The following NUBPL variants were observed in gnomAD, a reference collection of about 807,000 sequenced individuals.
The protein encoded by NUBPL is iron-sulfur cluster transfer protein NUBPL.
In NUBPL, 31 loss-of-function variants were observed where a neutral mutation model predicts 45.7. The ratio of observed to expected loss-of-function variants is 0.68; its 90% CI spans 0.51 to 0.92. The LOEUF (loss-of-function observed/expected upper bound fraction) is 0.92. NUBPL is among the 40% of genes least tolerant of loss of function. The pLI is 0.00. For synonymous variants in NUBPL, 144 were observed against 140.9 expected, an observed-to-expected ratio of 1.02 and a Z score of -0.15; for missense variants, 401 against 398.7, an observed-to-expected ratio of 1.01 and a Z score of -0.05.
At chr14:31,660,159 C>T (rs913638318) in intron 4 of NUBPL, among the ~76,000 whole-genome samples, 14 of 152,064 alleles carry the variant, frequency 9.2e-5, no homozygotes, top group Non-Finnish European at 2.1e-4. Context: ...ATTTTATTGC[C>T]TTTTGGTTGT....
intron 4 of NUBPL, among the ~76,000 whole-genome samples, chr14:31,653,203 C>T (rs552960525): frequency 2.6e-5 from 4 of 152,300 alleles, no homozygotes; most frequent in South Asian, 4.1e-4. Context: ...CAGCTGTGCA[C>T]GTATTGTCTT....
intron 4 of NUBPL, among the ~76,000 whole-genome samples, chr14:31,652,405 G>A (rs951498010): frequency 6.6e-6 from 1 of 152,098 alleles, no homozygotes; most frequent in Non-Finnish European, 1.5e-5. Flanking sequence ...AAATACTAAT[G>A]CATTGTGCAC....
chr14:31,818,496 A>G (rs1171492697), intron 7 of NUBPL, among the ~76,000 whole-genome samples: 1 of 152,150 alleles, frequency 6.6e-6, no homozygotes, highest in Non-Finnish European at 1.5e-5. Flanking sequence ...TTGATATAGC[A>G]TTGTTTCCAC....
At chr14:31,575,061 AT>A (rs1296195069) in intron 3 of NUBPL, among the ~76,000 whole-genome samples, 2 of 152,022 alleles carry the variant, frequency 1.3e-5, no homozygotes, top group Non-Finnish European at 2.9e-5. Flanking sequence ...CAAAGCATTT[AT>A]TTTTTTCTCA....
intron 6 of NUBPL, among the ~76,000 whole-genome samples, chr14:31,751,387 A>G (rs2038525847): frequency 6.6e-6 from 1 of 152,280 alleles, no homozygotes; most frequent in African/African-American, 2.4e-5. Context: ...CAATGGGAGT[A>G]TAGGCATTGG....
At chr14:31,792,112 C>T (rs907572727) in intron 7 of NUBPL, among the ~76,000 whole-genome samples, 2 of 152,094 alleles carry the variant, frequency 1.3e-5, no homozygotes, top group African/African-American at 4.8e-5. Context: ...TGCTGTTGAC[C>T]TCTATATCAA....
intron 7 of NUBPL, among the ~76,000 whole-genome samples, chr14:31,791,911 T>C (rs769228720): frequency 4.2e-4 from 64 of 152,202 alleles, no homozygotes; most frequent in Non-Finnish European, 3.5e-4. Flanking sequence ...ACCGCGGCGA[T>C]TGCCTGTTAA....
At chr14:31,675,379 A>G (rs1231010667) in intron 6 of NUBPL, among the ~76,000 whole-genome samples, 1 of 152,228 alleles carries the variant, frequency 6.6e-6, no homozygotes, top group East Asian at 1.9e-4. Flanking sequence ...AATGCTGATC[A>G]TCAGAGCTAA....
chr14:31,784,069 T>C (rs1376583556), intron 6 of NUBPL, among the ~76,000 whole-genome samples: 1 of 152,132 alleles, frequency 6.6e-6, no homozygotes, highest in Non-Finnish European at 1.5e-5. Context: ...TTAAAGAGTT[T>C]ATTAACGTGA....
At chr14:31,756,243 A>G (rs2038660273) in intron 6 of NUBPL, among the ~76,000 whole-genome samples, 2 of 152,172 alleles carry the variant, frequency 1.3e-5, no homozygotes, top group East Asian at 1.9e-4. Flanking sequence ...GAGGAAAGTC[A>G]TTGGTAGCTT....
At chr14:31,647,871 T>G (rs1413930058) in intron 4 of NUBPL, among the ~76,000 whole-genome samples, 1 of 152,218 alleles carries the variant, frequency 6.6e-6, no homozygotes, top group Non-Finnish European at 1.5e-5. Context: ...TGTGGACTGT[T>G]TTCTTGGCCT....
chr14:31,647,605 C>T (rs767671758), intron 4 of NUBPL, among the ~76,000 whole-genome samples: 6 of 152,200 alleles, frequency 3.9e-5, no homozygotes, highest in Non-Finnish European at 7.3e-5. Flanking sequence ...AACAGTCAGT[C>T]TGATTTGGCA....
At chr14:31,666,682 G>T (rs1390033934) in intron 4 of NUBPL, among the ~76,000 whole-genome samples, 1 of 152,126 alleles carries the variant, frequency 6.6e-6, no homozygotes, top group Admixed American at 6.5e-5. Context: ...TTTTGCAGTG[G>T]CTGGTACTGG....
chr14:31,825,665 C>CTTTT (rs1400234419), intron 7 of NUBPL, among the ~76,000 whole-genome samples: 1,543 of 129,630 alleles, frequency 0.012, 25 homozygotes, highest in African/African-American at 0.045. Context: ...TTTCCTTTTC[C>CTTTT]TTTTCTTTTT....
At chr14:31,739,319 G>A (rs932496059) in intron 6 of NUBPL, among the ~76,000 whole-genome samples, 31 of 149,014 alleles carry the variant, frequency 2.1e-4, no homozygotes, top group Admixed American at 1.1e-3. Flanking sequence ...TCCTGACCTC[G>A]GATGATCCGT....
At position 31,790,276 on chromosome 14, in the gene NUBPL, A is replaced by T. The variant is rs111481809; in HGVS notation, c.607+2403A>T. 8.9e-3 allele frequency among the ~76,000 whole-genome samples: 1,359 copies of T among 152,344 alleles called. 9 individuals are homozygous for T. Among genetic ancestry groups the T allele is most frequent in the Non-Finnish European group, 0.013 (901 of 68,032 alleles). ...TTTGTATTTATACTCTAACACCAGC[A>T]TTGCATATAGATAGAGGTTGAGATT... On this transcript the variant is annotated intron_variant, in intron 7 of 10. Coordinates refer to ENST00000281081, the MANE Select transcript of NUBPL (RefSeq NM_025152.3).
intron 8 of NUBPL, among the ~76,000 whole-genome samples, chr14:31,834,574 T>C (rs1464137557): frequency 6.6e-6 from 1 of 152,222 alleles, no homozygotes; most frequent in Non-Finnish European, 1.5e-5. Context: ...TGAGACTGGA[T>C]AGCATTCTGC....
intron 6 of NUBPL, among the ~76,000 whole-genome samples, chr14:31,783,640 C>T (rs909067063): frequency 4.6e-5 from 7 of 151,224 alleles, no homozygotes; most frequent in African/African-American, 1.5e-4. Flanking sequence ...GCCTCAGCTT[C>T]CCAAGTAGCT....
At chr14:31,597,017 G>A (rs1011745245) in intron 3 of NUBPL, among the ~76,000 whole-genome samples, 1 of 152,042 alleles carries the variant, frequency 6.6e-6, no homozygotes, top group Non-Finnish European at 1.5e-5. Context: ...TAGTTTATCC[G>A]GCATCTTTAT....
Sources: gnomAD v4.1 joint callset for allele counts (sites outside exome capture counted in the v4.1 genomes callset) on GRCh38, gnomAD v4.1.1 for gene constraint, MANE v1.5 for transcripts, NCBI Gene and HGNC (gene_info 2026-07-23, HGNC 2026-07-21) for gene names.